Variants in C19orf18 observed in about 807,000 individuals in gnomAD.
C19orf18 encodes uncharacterized protein C19orf18.
In C19orf18, 21 loss-of-function variants were observed where a neutral mutation model predicts 23.3. That is an observed-to-expected ratio of 0.90 (90% confidence interval 0.64 to 1.30). The LOEUF is 1.30. Ranked by LOEUF, C19orf18 falls within the 50% of genes most tolerant of loss-of-function variation. The pLI, the probability that C19orf18 is intolerant of heterozygous loss-of-function variation, is 0.00. For synonymous variants in C19orf18, 96 were observed against 95.2 expected, an observed-to-expected ratio of 1.01 and a Z score of -0.05; for missense variants, 249 against 259.6, an observed-to-expected ratio of 0.96 and a Z score of 0.28.
intron 3 of C19orf18, among the ~76,000 whole-genome samples, chr19:57,970,950 T>G (rs1417421714): frequency 6.6e-6 from 1 of 152,138 alleles, no homozygotes; most frequent in African/African-American, 2.4e-5. Context: ...GAGGTCTCAG[T>G]GACCTTCTAG....
intron 5 of C19orf18, among the ~76,000 whole-genome samples, chr19:57,960,920 C>T (rs1248026133): frequency 1.3e-5 from 2 of 152,162 alleles, no homozygotes; most frequent in East Asian, 3.9e-4. Flanking sequence ...TGGCTCACGC[C>T]TGTAATCCCA....
chr19:57,960,557 G>A (rs543755728), intron 5 of C19orf18, among the ~76,000 whole-genome samples: 4 of 152,258 alleles, frequency 2.6e-5, no homozygotes, highest in African/African-American at 9.6e-5. Context: ...CTGGGGTAGT[G>A]ACCTCTATTT....
chr19:57,964,584 T>C (rs556736310), intron 4 of C19orf18, among the ~76,000 whole-genome samples: 24 of 152,296 alleles, frequency 1.6e-4, no homozygotes, highest in African/African-American at 5.5e-4. Flanking sequence ...CCCCGGCCTA[T>C]ACATTTACAT....
intron 4 of C19orf18, among the ~76,000 whole-genome samples, 163 bp from the exon 5 acceptor site, chr19:57,961,714 G>A (rs2072873311): frequency 6.6e-6 from 1 of 152,118 alleles, no homozygotes; most frequent in African/African-American, 2.4e-5. Flanking sequence ...CTGTCTACAT[G>A]GTCAGGCCAT....
At chr19:57,961,894 T>TTTTC (rs1555786948) in intron 4 of C19orf18, among the ~76,000 whole-genome samples, 1,821 of 150,424 alleles carry the variant, frequency 0.012, 43 homozygotes, top group African/African-American at 0.043. Flanking sequence ...TTCTTTCTCT[T>TTTTC]TTTTTTCCTT....
chr19:57,961,633 G>T, intron 4 of C19orf18, 82 bp from the exon 5 acceptor site: 1 of 1,500,782 alleles, frequency 6.7e-7, no homozygotes. Context: ...TTTTTGACAG[G>T]AAAGGAGTCG....
chr19:57,966,225 C>A (rs997370310), intron 4 of C19orf18, among the ~76,000 whole-genome samples: 1 of 152,178 alleles, frequency 6.6e-6, no homozygotes, highest in Non-Finnish European at 1.5e-5. Context: ...GATCCACCCG[C>A]CTCGGCCTTC....
intron 2 of C19orf18, among the ~76,000 whole-genome samples, chr19:57,973,261 G>A (rs1309052016): frequency 2.8e-5 from 4 of 143,812 alleles, no homozygotes; most frequent in Admixed American, 7.1e-5. Flanking sequence ...ACATGCAAAT[G>A]TATCACACAG....
chr19:57,959,427 A>G (rs1212308729), intron 5 of C19orf18, among the ~76,000 whole-genome samples: 1 of 149,654 alleles, frequency 6.7e-6, no homozygotes, highest in Non-Finnish European at 1.5e-5. Flanking sequence ...GTTCGAGACC[A>G]GCCTGGCCAA....
At chr19:57,965,236 G>A (rs535970608) in intron 4 of C19orf18, among the ~76,000 whole-genome samples, 1 of 152,132 alleles carries the variant, frequency 6.6e-6, no homozygotes, top group South Asian at 2.1e-4. Context: ...CCAGGTTCAA[G>A]CAATTTTCCT....
At chr19:57,973,996 T>G in intron 2 of C19orf18, 103 bp downstream of exon 2, 1 of 1,114,236 alleles carries the variant, frequency 9.0e-7, no homozygotes, top group Non-Finnish European at 1.3e-6. Flanking sequence ...CTCTATTTTA[T>G]GGACCTTTCT....
intron 3 of C19orf18, among the ~76,000 whole-genome samples, chr19:57,971,246 C>T (rs1173488137): frequency 6.6e-6 from 1 of 152,048 alleles, no homozygotes; most frequent in East Asian, 1.9e-4. Context: ...GATAGTAAAC[C>T]CTGGCCTGCA....
At chr19:57,960,918 G>A (rs1463775035) in intron 5 of C19orf18, among the ~76,000 whole-genome samples, 2 of 152,054 alleles carry the variant, frequency 1.3e-5, no homozygotes, top group Non-Finnish European at 1.5e-5. Context: ...GGTGGCTCAC[G>A]CCTGTAATCC....
At chr19:57,974,257 C>G in intron 1 of C19orf18, 54 bp from the exon 2 acceptor site, 2 of 1,613,636 alleles carry the variant, frequency 1.2e-6, no homozygotes, top group Non-Finnish European at 1.7e-6. Flanking sequence ...TTTATCTCCC[C>G]TGAAACAGCT....
At chr19:57,972,063 A>G (rs1023099325) in intron 3 of C19orf18, among the ~76,000 whole-genome samples, 1 of 152,160 alleles carries the variant, frequency 6.6e-6, no homozygotes, top group African/African-American at 2.4e-5. Context: ...CTGGGGCGGG[A>G]GCAGCAGCAG....
chr19:57,967,608 C>G (rs906999086), intron 3 of C19orf18, among the ~76,000 whole-genome samples: 1 of 151,846 alleles, frequency 6.6e-6, no homozygotes, highest in Non-Finnish European at 1.5e-5. Flanking sequence ...AAAAATTCAT[C>G]GGGTGCGGTG....
chr19:57,974,158 T>C lies in C19orf18; in HGVS notation c.167A>G (p.Lys56Arg). The C allele has an allele frequency of 1.2e-6, 2 of 1,614,072 alleles. No individual in the cohort carries two copies. The highest frequency in any genetic ancestry group is 1.7e-6 in the Non-Finnish European group (2 of 1,180,012). The stretch of plus-strand genomic sequence containing the variant: ...CAACTGGGTTTTATGAAAGAACACT[T>C]TGGGCTCTTTGGTGATGTTTCTGGG... ...QPPRNITKEP[K>R]VFFHKTQLPG... Residue 56 changes from lysine to arginine, a missense_variant, in exon 2 of 6, where the codon AAA (lysine) becomes AGA (arginine). Transcript: ENST00000314391.
intron 3 of C19orf18, among the ~76,000 whole-genome samples, chr19:57,968,355 G>A (rs2072922348): frequency 6.6e-6 from 1 of 152,196 alleles, no homozygotes; most frequent in Non-Finnish European, 1.5e-5. Flanking sequence ...TCAGACCAGA[G>A]CATGCAGGAA....
chr19:57,973,548 AC>A (rs1699369201), intron 2 of C19orf18, among the ~76,000 whole-genome samples: 1 of 151,956 alleles, frequency 6.6e-6, no homozygotes, highest in South Asian at 2.1e-4. Context: ...ACACAGTGAA[AC>A]CCTGTCTCTA....
Sources: allele counts gnomAD v4.1 joint callset (sites outside exome capture counted in the v4.1 genomes callset), GRCh38; gene constraint gnomAD v4.1.1; transcripts MANE v1.5; gene names NCBI Gene and HGNC (gene_info 2026-07-23, HGNC 2026-07-21).